Variants in SFSWAP observed in about 807,000 individuals in gnomAD.
The protein encoded by SFSWAP is splicing factor, suppressor of white-apricot homolog.
Under a neutral mutation model 100.7 loss-of-function variants are expected in SFSWAP, and 17 were observed. The observed-to-expected ratio is 0.17, with a 90% CI of 0.12 to 0.25. The LOEUF (loss-of-function observed/expected upper bound fraction) is 0.25. SFSWAP is among the 10% of genes least tolerant of loss of function. SFSWAP has a pLI of 1.00. For synonymous variants in SFSWAP, 504 were observed against 510.1 expected (o/e 0.99, Z 0.16); for missense variants, 1,005 against 1,262.6 (o/e 0.80, Z 3.09).
chr12:131,770,911 G>C (rs114652632), intron 13 of SFSWAP, among the ~76,000 whole-genome samples: 1 of 152,140 alleles, frequency 6.6e-6, no homozygotes, highest in African/African-American at 2.4e-5. Flanking sequence ...GACTCCTGGG[G>C]ACCGCATGTG....
At chr12:131,764,932 C>T (rs1391915387) in intron 12 of SFSWAP, among the ~76,000 whole-genome samples, 1 of 152,220 alleles carries the variant, frequency 6.6e-6, no homozygotes, top group Non-Finnish European at 1.5e-5. Context: ...CTGAGTTGGC[C>T]GTCTTAGCTC....
chr12:131,711,506 G>A lies in SFSWAP; in HGVS notation c.218+59G>A, dbSNP rs1877339861. 1 of 1,412,194 alleles carries A rather than the reference G, an allele frequency of 7.1e-7. No homozygotes were observed. The highest frequency in any genetic ancestry group is 2.3e-5 in the East Asian group (1 of 43,638). The allele number at this position is 1,412,194 out of a possible 1,614,324, so 87.5% of individuals were successfully genotyped here. ...TTCCCTCACCCGCTTGATCTCGTCTGATGTTGACTTGACTGCAAGGACTGC... is the reference window on the plus strand; with the variant it reads ...TTCCCTCACCCGCTTGATCTCGTCTAATGTTGACTTGACTGCAAGGACTGC... On this transcript the variant is annotated intron_variant, in intron 1 of 17. Transcript: ENST00000261674. The surrounding 1 kb of genome is among the most constrained non-coding windows in gnomAD (Gnocchi z 4.9).
intron 3 of SFSWAP, among the ~76,000 whole-genome samples, chr12:131,718,889 T>A (rs1280156085): frequency 6.6e-6 from 1 of 152,150 alleles, no homozygotes; most frequent in Non-Finnish European, 1.5e-5. Flanking sequence ...TGGGAGTGGA[T>A]GTGATGACTT....
chr12:131,736,690 CAT>C (rs150674297), intron 7 of SFSWAP, among the ~76,000 whole-genome samples: 4,979 of 152,196 alleles, frequency 0.033, 260 homozygotes, highest in African/African-American at 0.11. Flanking sequence ...GGAGCGCACT[CAT>C]AGGCATACAG....
chr12:131,783,964 G>C (rs924114990), intron 14 of SFSWAP: 1 of 151,420 alleles, frequency 6.6e-6, no homozygotes, highest in Non-Finnish European at 1.5e-5. Flanking sequence ...TGAAAGTTGT[G>C]GCTCCTCACT....
In SFSWAP at chr12:131,778,314, A is replaced by G. The variant is rs550993966; in HGVS notation, c.2392A>G (p.Thr798Ala). ...GCATTCTCTTCCCAGTGCCTATCGGACAGTGCGGCGGTCGAGGTGGGTGTG... is the reference window on the plus strand; with the variant it reads ...GCATTCTCTTCCCAGTGCCTATCGGGCAGTGCGGCGGTCGAGGTGGGTGTG... ...AKHSLPSAYR[T>A]VRRSRSRSRS... The change falls in exon 14 of 18, where the codon ACA becomes GCA. Residue 798 changes from threonine to alanine, a missense_variant. Transcript: ENST00000261674. The surrounding 1 kb of genome is among the most constrained non-coding windows in gnomAD (Gnocchi z 4.2). 1 of 1,613,864 alleles carries G rather than the reference A, an allele frequency of 6.2e-7. No homozygotes were observed. Among genetic ancestry groups the G allele is most frequent in the South Asian group, 1.1e-5 (1 of 91,084 alleles).
Position 131,770,824 on chromosome 12 carries a change from G to C in SFSWAP, c.2142+4516G>C, listed in dbSNP as rs186889485. On this transcript the variant is annotated intron_variant, in intron 13 of 17. Transcript: ENST00000261674. ...GTCCATCTTCTAAAACCAAAACTCT[G>C]TAGCCATTAAATAGTAACTCTCTGC... Among the ~76,000 whole-genome samples the C allele has an allele frequency of 1.4e-3, 210 of 152,250 alleles. 1 individual carries two copies. Among genetic ancestry groups the C allele is most frequent in the Non-Finnish European group, 2.5e-3 (171 of 68,026 alleles).
chr12:131,714,893 G>A lies in SFSWAP; in HGVS notation c.460G>A (p.Gly154Ser), dbSNP rs1490631824. Residue 154 changes from glycine (G) to serine (S), a missense_variant, in exon 3 of 18, where the codon GGT becomes AGT. Physicochemically the swap from Gly to Ser is moderately conservative, Grantham distance 56. Coordinates refer to ENST00000261674, the MANE Select transcript of SFSWAP (RefSeq NM_004592.4). This position sits in a 1 kb window ranked among gnomAD's most constrained non-coding sequence, Gnocchi z 6.0. ...CTACAATGCCGTGGGGTTCACTTACGGTAGCGACTATTACGACCCGTCAGA... is the reference window on the plus strand; with the variant it reads ...CTACAATGCCGTGGGGTTCACTTACAGTAGCGACTATTACGACCCGTCAGA... ...GSYNAVGFTY[G>S]SDYYDPSEPT... 8.1e-6 allele frequency: 13 copies of A among 1,614,036 alleles called. No homozygotes were observed. Among genetic ancestry groups the A allele is most frequent in the East Asian group, 4.5e-5 (2 of 44,880 alleles).
chr12:131,779,198 C>T (rs540223913), intron 14 of SFSWAP, among the ~76,000 whole-genome samples: 32 of 150,188 alleles, frequency 2.1e-4, no homozygotes, highest in African/African-American at 7.8e-4. Context: ...AAGAGGGCAG[C>T]GCGGATGAGT....
intron 13 of SFSWAP, among the ~76,000 whole-genome samples, chr12:131,770,470 C>G (rs1883499498): frequency 6.6e-6 from 1 of 152,244 alleles, no homozygotes; most frequent in South Asian, 2.1e-4. Flanking sequence ...TTAAAGTTAA[C>G]TGAAAACAGC....
Position 131,730,318 on chromosome 12 carries a change from G to A in SFSWAP, c.1081+1890G>A, listed in dbSNP as rs182735882. ...CCTCCTTTCCTTTTCCAAGCCTGTC[G>A]TTGAGTTTGCTTGAACCAAATGCAT... On this transcript the variant is annotated intron_variant, in intron 7 of 17. Transcript: ENST00000261674. The surrounding 1 kb of genome is among the most constrained non-coding windows in gnomAD (Gnocchi z 4.0). Among the ~76,000 whole-genome samples, 23 of 152,346 alleles carry A rather than the reference G, an allele frequency of 1.5e-4. No individual in the cohort carries two copies. Among genetic ancestry groups the A allele is most frequent in the African/African-American group, 5.5e-4 (23 of 41,578 alleles).
chr12:131,736,578 C>T (rs375547492), intron 7 of SFSWAP, among the ~76,000 whole-genome samples: 1 of 152,008 alleles, frequency 6.6e-6, no homozygotes, highest in Non-Finnish European at 1.5e-5. Context: ...TCGTGTCCGC[C>T]GACCGTAGAA....
At chr12:131,789,723 A>C (rs78792048) in intron 15 of SFSWAP, among the ~76,000 whole-genome samples, 26,863 of 143,980 alleles carry the variant, frequency 0.19, 3,128 homozygotes, top group Non-Finnish European at 0.26. Context: ...ATTCCAGGCC[A>C]GCTCCACTAT....
In SFSWAP at chr12:131,711,207, G is replaced by T; in HGVS notation, c.-23G>T. 1.9e-6 allele frequency: 3 copies of T among 1,563,294 alleles called. No individual in the cohort carries two copies. Among genetic ancestry groups the T allele is most frequent in the Non-Finnish European group, 2.6e-6 (3 of 1,157,974 alleles). On this transcript the variant is annotated 5_prime_UTR_variant, in exon 1 of 18. Coordinates refer to ENST00000261674, the MANE Select transcript of SFSWAP (RefSeq NM_004592.4). The surrounding 1 kb of genome is among the most constrained non-coding windows in gnomAD (Gnocchi z 4.9). ...CGTCGCGCGGCACAGAAGAGGACCA[G>T]CCTGGACGCCGGGGACGCTGTCATG...
In SFSWAP at chr12:131,756,468, T is replaced by G. The variant is rs1882169881; in HGVS notation, c.1549-5T>G. 6.2e-7 allele frequency: 1 copy of G among 1,613,478 alleles called. No homozygotes were observed. Among genetic ancestry groups the G allele is most frequent in the Non-Finnish European group, 8.5e-7 (1 of 1,179,724 alleles). On this transcript the variant is annotated splice_region_variant and splice_polypyrimidine_tract_variant and intron_variant, in intron 10 of 17. Coordinates refer to ENST00000261674, the MANE Select transcript of SFSWAP (RefSeq NM_004592.4). ...TGACAGTTTATAGTGACATTTAATC[T>G]CTAGGCTGTGTCTGCACCAGAAGAG...
At chr12:131,791,795 G>A (rs1371270005) in intron 15 of SFSWAP, among the ~76,000 whole-genome samples, 1 of 152,218 alleles carries the variant, frequency 6.6e-6, no homozygotes, top group African/African-American at 2.4e-5. Context: ...ATAGATGAAG[G>A]AACACTTCCC....
chr12:131,726,837 C>A, intron 5 of SFSWAP, 103 bp from the exon 6 acceptor site: 1 of 746,428 alleles, frequency 1.3e-6, no homozygotes, highest in Non-Finnish European at 2.3e-6. Flanking sequence ...GTTTTTTCGA[C>A]AGATAACCAA....
At chr12:131,782,679 A>G (rs1212846308) in intron 14 of SFSWAP, among the ~76,000 whole-genome samples, 1 of 152,258 alleles carries the variant, frequency 6.6e-6, no homozygotes, top group Non-Finnish European at 1.5e-5. Flanking sequence ...TTAAGATTAG[A>G]AAGCCTTCTT....
At chr12:131,776,441 G>A (rs982130503) in intron 13 of SFSWAP, among the ~76,000 whole-genome samples, 1 of 152,216 alleles carries the variant, frequency 6.6e-6, no homozygotes, top group African/African-American at 2.4e-5. Context: ...CAGCTCAAGT[G>A]GAAACTCATC....
Sources: gnomAD v4.1 joint callset for allele counts (sites outside exome capture counted in the v4.1 genomes callset) on GRCh38, gnomAD v4.1.1 for gene constraint, Gnocchi (gnomAD v3.1) non-coding constraint, MANE v1.5 for transcripts, NCBI Gene and HGNC (gene_info 2026-07-23, HGNC 2026-07-21) for gene names.